LIN54: variants seen among roughly 807,000 people sequenced by gnomAD.
The protein encoded by LIN54 is lin-54 DREAM MuvB core complex component, also known as protein lin-54 homolog.
Under a neutral mutation model 78.7 loss-of-function variants are expected in LIN54, and 9 were observed. The observed-to-expected ratio is 0.11, with a 90% CI of 0.07 to 0.20. The LOEUF is 0.20. Among genes scored for constraint, LIN54 ranks in the 10% least tolerant of loss-of-function variants. The pLI is 1.00. For missense variants in LIN54, 573 were observed against 889.9 expected (o/e 0.64, Z 4.53); for synonymous variants, 269 against 318.4 (o/e 0.84, Z 1.65).
At chr4:82,995,527 G>A (rs1350979057) in intron 1 of LIN54, among the ~76,000 whole-genome samples, 3 of 114,500 alleles carry the variant, frequency 2.6e-5, no homozygotes, top group African/African-American at 3.5e-5. Context: ...ATGGAGTCTC[G>A]CTCTGTCACC....
intron 2 of LIN54, among the ~76,000 whole-genome samples, chr4:82,981,118 A>G (rs764101419): frequency 5.3e-5 from 8 of 152,202 alleles, no homozygotes; most frequent in Non-Finnish European, 1.2e-4. Flanking sequence ...ACAAGTTTAT[A>G]GAATCAGCAG....
rs559969181 is a variant in LIN54 at position 83,001,802 on chromosome 4, C to T, written c.-33+8682G>A. On this transcript the variant is annotated intron_variant, in intron 1 of 12. Transcript: ENST00000340417. ...GGCAGAGCTTGCAGTGAGCGAAGAT[C>T]GCACCACTGCACTCCAGCCTGGGCG... 2.2e-3 allele frequency among the ~76,000 whole-genome samples: 304 copies of T among 139,718 alleles called. 1 individual carries two copies. The highest frequency in any genetic ancestry group is 6.2e-3 in the South Asian group (26 of 4,210). The allele number at this position is 139,718 out of a possible 152,430, so 91.7% of individuals were successfully genotyped here. A position where few individuals can be genotyped will look rare whatever the true frequency, so the allele number is the denominator to read the frequency against.
intron 1 of LIN54, among the ~76,000 whole-genome samples, chr4:82,995,877 G>C (rs1048379232): frequency 6.6e-6 from 1 of 151,782 alleles, no homozygotes; most frequent in Admixed American, 6.6e-5. Flanking sequence ...CAGGCACGGT[G>C]GCTCACACCT....
upstream of LIN54, chr4:83,012,693 G>A (rs539802410): frequency 6.6e-6 from 1 of 152,064 alleles, no homozygotes; most frequent in Non-Finnish European, 1.5e-5. Context: ...GGAGGGAGCG[G>A]TCCAGCGCTC....
chr4:82,959,835 G>T (rs1724645413), intron 4 of LIN54, among the ~76,000 whole-genome samples: 1 of 151,984 alleles, frequency 6.6e-6, no homozygotes, highest in Admixed American at 6.6e-5. Flanking sequence ...GATTTTTATT[G>T]TAATAATATA....
chr4:83,000,834 T>TC (rs57960881), intron 1 of LIN54, among the ~76,000 whole-genome samples: 6 of 141,070 alleles, frequency 4.3e-5, no homozygotes, highest in East Asian at 2.0e-4. Flanking sequence ...ATTCTTTTTT[T>TC]TTTTTTGGAG....
At chr4:82,934,426 A>G (rs1013881361) in intron 11 of LIN54, among the ~76,000 whole-genome samples, 10 of 152,106 alleles carry the variant, frequency 6.6e-5, no homozygotes, top group African/African-American at 2.4e-4. Context: ...TAACAACAAC[A>G]ACAACAACAA....
intron 1 of LIN54, among the ~76,000 whole-genome samples, chr4:82,986,308 G>C (rs189606145): frequency 0.028 from 4,243 of 152,066 alleles, 82 homozygotes; most frequent in Admixed American, 0.043. Flanking sequence ...GTAGAGACAA[G>C]GTTTCTCCAT....
At chr4:82,993,029 G>GAA (rs35355547) in intron 1 of LIN54, among the ~76,000 whole-genome samples, 53 of 101,106 alleles carry the variant, frequency 5.2e-4, no homozygotes, top group East Asian at 4.1e-3. Context: ...CTCTGTCTCA[G>GAA]AAAAAAAAAA....
At chr4:82,965,280 T>C (rs1725112666) in intron 4 of LIN54, among the ~76,000 whole-genome samples, 1 of 152,210 alleles carries the variant, frequency 6.6e-6, no homozygotes, top group Non-Finnish European at 1.5e-5. Flanking sequence ...AGGATTACTT[T>C]AGAAAATAAA....
chr4:82,946,562 G>A (rs1052519350), intron 4 of LIN54, 88 bp from the exon 5 acceptor site: 1 of 956,988 alleles, frequency 1.0e-6, no homozygotes, highest in Non-Finnish European at 1.6e-6. Context: ...AAGTTGTAAA[G>A]TATGCTCCTG....
At chr4:82,935,921 T>C in intron 11 of LIN54, 60 bp downstream of exon 11, 13 of 1,510,350 alleles carry the variant, frequency 8.6e-6, no homozygotes, top group Non-Finnish European at 1.2e-5. Context: ...TAAATTTTTG[T>C]AGTAGGTCCT....
At chr4:82,953,082 C>G (rs1167592708) in intron 4 of LIN54, among the ~76,000 whole-genome samples, 1 of 152,206 alleles carries the variant, frequency 6.6e-6, no homozygotes, top group East Asian at 1.9e-4. Context: ...CCTCAACTTT[C>G]TGGGCTCAAG....
intron 1 of LIN54, 54 bp downstream of exon 1, chr4:83,010,430 C>CCAAAAAA: frequency 3.5e-6 from 2 of 577,000 alleles, no homozygotes; most frequent in Non-Finnish European, 4.5e-6. Context: ...CCCATCCCCC[C>CCAAAAAA]AAATAAAGAG....
rs1348420559 is a variant in LIN54, at chr4:82,996,445, G to A, written c.-32-11569C>T. Among the ~76,000 whole-genome samples the A allele has an allele frequency of 4.6e-5, 7 of 151,852 alleles. No individual in the cohort carries two copies. The East Asian group carries it at 5.8e-4, about 13-fold the overall frequency. On this transcript the variant is annotated intron_variant, in intron 1 of 12. Transcript: ENST00000340417. The stretch of plus-strand genomic sequence containing the variant: ...TTTTGAGACAGAGTCTCACTCTGTC[G>A]CCCAGGCTGGAATGCAGTGGCATGA...
At position 82,979,939 on chromosome 4, in the gene LIN54, C is replaced by CAAAAAAAAAAAAAAAAA. The variant is rs70943176; in HGVS notation, c.685-950_685-934dup. Among the ~76,000 whole-genome samples, 5 of 49,852 alleles carry CAAAAAAAAAAAAAAAAA rather than the reference C, an allele frequency of 1.0e-4. 1 individual carries two copies. The highest frequency in any genetic ancestry group is 1.8e-4 in the Non-Finnish European group (5 of 28,362). The allele number at this position is 49,852 out of a possible 152,430, so 32.7% of individuals were successfully genotyped here. ...TGACAGAGTGAGTGAGACTCTGTCT[C>CAAAAAAAAAAAAAAAAA]AAAAAAAAAAAAAAAAAAAAAAAAA... is the stretch of plus-strand genomic sequence containing the variant. On this transcript the variant is annotated intron_variant, in intron 2 of 12. Coordinates refer to ENST00000340417, the MANE Select transcript of LIN54 (RefSeq NM_194282.4).
At chr4:82,935,518 C>A (rs1722329874) in intron 11 of LIN54, among the ~76,000 whole-genome samples, 1 of 151,806 alleles carries the variant, frequency 6.6e-6, no homozygotes. Context: ...GAACTCCTGA[C>A]CTCAAGTGAT....
chr4:82,984,858 C>T lies in LIN54; in HGVS notation c.-14G>A. On this transcript the variant is annotated 5_prime_UTR_variant, in exon 2 of 13. Transcript: ENST00000340417. ...CACCACCTCCATGATCGTTCTCCCG[C>T]TAGAAAGTTGATCAGGCACTGTAAT... 6.3e-7 allele frequency: 1 copy of T among 1,591,916 alleles called. No individual in the cohort carries two copies. Among genetic ancestry groups the T allele is most frequent in the South Asian group, 1.1e-5 (1 of 88,646 alleles).
intron 1 of LIN54, among the ~76,000 whole-genome samples, chr4:82,995,588 A>G (rs1383946635): frequency 1.5e-5 from 2 of 136,640 alleles, no homozygotes; most frequent in Non-Finnish European, 3.0e-5. Context: ...CTCTGCCTCC[A>G]GGGTTCAAGC....
Sources: allele counts gnomAD v4.1 joint callset (sites outside exome capture counted in the v4.1 genomes callset), GRCh38; gene constraint gnomAD v4.1.1; transcripts MANE v1.5; gene names NCBI Gene and HGNC (gene_info 2026-07-23, HGNC 2026-07-21).